KIF6: variants seen among roughly 807,000 people sequenced by gnomAD.
KIF6 encodes the protein kinesin family member 6.
A neutral mutation model predicts 112.7 loss-of-function variants in KIF6; 106 were observed. The ratio of observed to expected loss-of-function variants is 0.94; its 90% CI spans 0.80 to 1.11. KIF6 has a LOEUF of 1.11. KIF6 is among the 50% of genes least tolerant of loss of function. The pLI, the probability that KIF6 is intolerant of heterozygous loss-of-function variation, is 0.00. For missense variants in KIF6, 929 were observed against 964.0 expected, an observed-to-expected ratio of 0.96 and a Z score of 0.48; for synonymous variants, 339 against 339.9, an observed-to-expected ratio of 1.00 and a Z score of 0.03.
At chr6:39,649,762 AAAGAAAG>A (rs1785372104) in intron 3 of KIF6, among the ~76,000 whole-genome samples, 1 of 94,426 alleles carries the variant, frequency 1.1e-5, no homozygotes, top group Non-Finnish European at 2.7e-5. Context: ...AGAAAGAAAG[AAAGAAAG>A]AAAGAAAAGA....
At chr6:39,550,952 T>G (rs746070287) in intron 10 of KIF6, among the ~76,000 whole-genome samples, 2 of 152,220 alleles carry the variant, frequency 1.3e-5, no homozygotes, top group East Asian at 3.8e-4. Flanking sequence ...TGAATAATAC[T>G]CCATTGTGTA....
At chr6:39,408,111 T>C (rs1769215183) in intron 15 of KIF6, among the ~76,000 whole-genome samples, 2 of 152,120 alleles carry the variant, frequency 1.3e-5, no homozygotes, top group Non-Finnish European at 2.9e-5. Flanking sequence ...GAATATGAGA[T>C]ACATGAAAAA....
At chr6:39,478,887 C>T (rs1358391263) in intron 13 of KIF6, among the ~76,000 whole-genome samples, 1 of 151,680 alleles carries the variant, frequency 6.6e-6, no homozygotes, top group Non-Finnish European at 1.5e-5. Context: ...GTGTGTTGGC[C>T]ATTTGTATAT....
chr6:39,360,724 C>T (rs56282216), intron 17 of KIF6, among the ~76,000 whole-genome samples, 194 bp from the exon 18 acceptor site: 1,704 of 152,212 alleles, frequency 0.011, 34 homozygotes, highest in African/African-American at 0.039. Context: ...GAGAAGCAGA[C>T]GGAGACATTT....
intron 10 of KIF6, among the ~76,000 whole-genome samples, chr6:39,566,115 A>C (rs1468968811): frequency 6.6e-6 from 1 of 152,138 alleles, no homozygotes; most frequent in Admixed American, 6.5e-5. Context: ...ACCCTCACTC[A>C]AGCCCAAAGT....
intron 13 of KIF6, among the ~76,000 whole-genome samples, chr6:39,527,580 A>G (rs759512373): frequency 2.0e-5 from 3 of 152,176 alleles, no homozygotes; most frequent in Non-Finnish European, 1.5e-5. Flanking sequence ...CACTTATTCA[A>G]TAAAGAAAAG....
intron 5 of KIF6, among the ~76,000 whole-genome samples, chr6:39,613,901 A>T (rs1472175037): frequency 2.6e-5 from 4 of 152,166 alleles, no homozygotes; most frequent in African/African-American, 9.7e-5. Flanking sequence ...TTATTATTTT[A>T]ATGCCTCTCA....
chr6:39,454,862 G>A (rs1480682297), intron 13 of KIF6, among the ~76,000 whole-genome samples: 2 of 152,182 alleles, frequency 1.3e-5, no homozygotes, highest in Non-Finnish European at 2.9e-5. Context: ...CTGGCTCGGA[G>A]GGTCCTACGC....
At chr6:39,396,139 C>T (rs558097009) in intron 15 of KIF6, among the ~76,000 whole-genome samples, 21 of 152,298 alleles carry the variant, frequency 1.4e-4, no homozygotes, top group African/African-American at 4.3e-4. Context: ...GGGAATTGTT[C>T]TCCATTTGAA....
intron 3 of KIF6, among the ~76,000 whole-genome samples, chr6:39,644,304 C>T (rs976110044): frequency 5.3e-5 from 8 of 152,064 alleles, no homozygotes; most frequent in East Asian, 1.9e-4. Context: ...CCATATGACC[C>T]GGCTAGGTGT....
intron 16 of KIF6, among the ~76,000 whole-genome samples, chr6:39,366,210 C>T (rs1765544982): frequency 6.6e-6 from 1 of 152,194 alleles, no homozygotes; most frequent in Non-Finnish European, 1.5e-5. Context: ...CTGCGCAACA[C>T]CACTTTCATT....
intron 14 of KIF6, among the ~76,000 whole-genome samples, chr6:39,430,734 C>T (rs1389160851): frequency 2.0e-5 from 3 of 152,178 alleles, no homozygotes; most frequent in African/African-American, 7.2e-5. Context: ...TTTCCCCCCT[C>T]CTTTGCAACA....
chr6:39,586,461 AAAC>A, intron 7 of KIF6, 57 bp from the exon 8 acceptor site: 1 of 1,416,678 alleles, frequency 7.1e-7, no homozygotes, highest in Non-Finnish European at 9.9e-7. Context: ...CACTCCTGAC[AAAC>A]AACAGAGCTT....
intron 3 of KIF6, among the ~76,000 whole-genome samples, chr6:39,710,389 A>G (rs111235479): frequency 1.5e-3 from 229 of 151,938 alleles, no homozygotes; most frequent in African/African-American, 5.3e-3. Flanking sequence ...AAGAATCACC[A>G]GTATCTGAGG....
At chr6:39,450,966 C>T (rs151109523) in intron 13 of KIF6, among the ~76,000 whole-genome samples, 53 of 151,870 alleles carry the variant, frequency 3.5e-4, no homozygotes, top group African/African-American at 1.1e-3. Flanking sequence ...ATCCTTTTTT[C>T]GTCAGTAGTG....
At chr6:39,494,430 G>A (rs1232859351) in intron 13 of KIF6, among the ~76,000 whole-genome samples, 4 of 152,150 alleles carry the variant, frequency 2.6e-5, no homozygotes, top group African/African-American at 9.7e-5. Context: ...GGAAAATACT[G>A]TATTTTAAAG....
At chr6:39,720,283 T>C (rs542522862) in intron 2 of KIF6, among the ~76,000 whole-genome samples, 35 of 152,284 alleles carry the variant, frequency 2.3e-4, no homozygotes, top group Non-Finnish European at 4.3e-4. Context: ...AGCACAGATA[T>C]AGAGTATACA....
chr6:39,381,734 A>C (rs1208142174), intron 16 of KIF6, among the ~76,000 whole-genome samples: 5 of 152,210 alleles, frequency 3.3e-5, no homozygotes, highest in East Asian at 1.9e-4. Context: ...TTAATCTCAG[A>C]ATGGCAGCTG....
At chr6:39,678,198 T>C (rs1787290480) in intron 3 of KIF6, among the ~76,000 whole-genome samples, 1 of 151,508 alleles carries the variant, frequency 6.6e-6, no homozygotes, top group African/African-American at 2.4e-5. Flanking sequence ...TTTTACACTG[T>C]TGGTGGGACT....
Sources: gnomAD v4.1 joint callset for allele counts (sites outside exome capture counted in the v4.1 genomes callset) on GRCh38, gnomAD v4.1.1 for gene constraint, MANE v1.5 for transcripts, NCBI Gene and HGNC (gene_info 2026-07-23, HGNC 2026-07-21) for gene names.